P2RY6: variants seen among roughly 807,000 people sequenced by gnomAD.
P2RY6 encodes the protein pyrimidinergic receptor P2Y6, also known as P2Y purinoceptor 6.
A neutral mutation model predicts 16.3 loss-of-function variants in P2RY6; 19 were observed. That is an observed-to-expected ratio of 1.16 (90% CI 0.81 to 1.71). The LOEUF (loss-of-function observed/expected upper bound fraction) is 1.71. Among genes scored for constraint, P2RY6 ranks in the 40% most tolerant of loss-of-function variants. The pLI is 0.00. For synonymous variants in P2RY6, 184 were observed against 201.5 expected, an observed-to-expected ratio of 0.91 and a Z score of 0.74; for missense variants, 389 against 455.5, an observed-to-expected ratio of 0.85 and a Z score of 1.33.
intron 1 of P2RY6, among the ~76,000 whole-genome samples, chr11:73,272,779 G>A (rs1023046614): frequency 2.0e-5 from 3 of 152,216 alleles, no homozygotes; most frequent in Non-Finnish European, 2.9e-5. Context: ...CAAAGGTCTT[G>A]GTTGGAGTGC....
intron 2 of P2RY6, among the ~76,000 whole-genome samples, chr11:73,296,232 AAATATAT>A (rs1353631687): frequency 0.032 from 4,210 of 132,828 alleles, 205 homozygotes; most frequent in African/African-American, 0.12. Flanking sequence ...GGAAAAAAAA[AAATATAT>A]ATATATATAT....
intron 1 of P2RY6, among the ~76,000 whole-genome samples, chr11:73,295,078 C>T (rs80330821): frequency 0.011 from 1,709 of 152,290 alleles, 30 homozygotes; most frequent in African/African-American, 0.039. Context: ...ATTAGATTCA[C>T]TATCTCAAAG....
At chr11:73,290,529 C>T (rs1170842630) in intron 1 of P2RY6, among the ~76,000 whole-genome samples, 1 of 152,264 alleles carries the variant, frequency 6.6e-6, no homozygotes, top group Admixed American at 6.5e-5. Context: ...GGCCTCCCAT[C>T]TGAGGCCCCC....
chr11:73,293,369 G>T (rs747918693), intron 1 of P2RY6, among the ~76,000 whole-genome samples: 33 of 152,192 alleles, frequency 2.2e-4, no homozygotes, highest in Non-Finnish European at 4.1e-4. Flanking sequence ...GTCAGGAAAA[G>T]GGTTTGGGCT....
chr11:73,283,255 C>T (rs191710173), intron 1 of P2RY6, among the ~76,000 whole-genome samples: 140 of 152,240 alleles, frequency 9.2e-4, no homozygotes, highest in Non-Finnish European at 5.9e-5. Flanking sequence ...TACCCCAACC[C>T]TCACCTACTC....
intron 1 of P2RY6, chr11:73,292,732 G>A: frequency 2.2e-6 from 2 of 919,654 alleles, no homozygotes; most frequent in South Asian, 5.0e-5. Flanking sequence ...GGATGGCAGG[G>A]AGCCGGTGGC....
intron 1 of P2RY6, among the ~76,000 whole-genome samples, chr11:73,276,849 G>T (rs544269835): frequency 3.3e-5 from 5 of 152,294 alleles, no homozygotes; most frequent in African/African-American, 9.6e-5. Context: ...TTGAAAGGCT[G>T]AATTTTATGG....
At position 73,296,417 on chromosome 11, in the gene P2RY6, G is replaced by A. The variant is rs12271016; in HGVS notation, c.-34-68G>A. On this transcript the variant is annotated intron_variant, in intron 2 of 2. Transcript: ENST00000540124. Reference sequence around the variant, plus strand: ...TGTTCAGACAGGGAGATCAAGGCCCGAGGAGGGGCAGGGCCTGCTGGGTGG... The same window carrying A: ...TGTTCAGACAGGGAGATCAAGGCCCAAGGAGGGGCAGGGCCTGCTGGGTGG... The A allele has an allele frequency of 0.011, 16,352 of 1,423,878 alleles. 1,627 individuals carry two copies. The African/African-American group carries it at 0.21, about 18-fold the overall frequency. The allele number at this position is 1,423,878 out of a possible 1,614,324, so 88.2% of individuals were successfully genotyped here. A position where few individuals can be genotyped will look rare whatever the true frequency, so the allele number is the denominator to read the frequency against.
chr11:73,298,269 A>T lies in P2RY6; in HGVS notation c.*764A>T, dbSNP rs1292628591. On this transcript the variant is annotated 3_prime_UTR_variant, in exon 3 of 3. Transcript: ENST00000540124. Reference sequence around the variant, plus strand: ...TGCAACCCAGGTATGCTCCATGCATATCCAGCTGGGCCAGCCTCGTGCTGG... The same window carrying T: ...TGCAACCCAGGTATGCTCCATGCATTTCCAGCTGGGCCAGCCTCGTGCTGG... 1.2e-5 allele frequency: 2 copies of T among 167,186 alleles called. No individual in the cohort carries two copies. Among genetic ancestry groups the T allele is most frequent in the African/African-American group, 4.8e-5 (2 of 41,468 alleles). 10.4% of individuals were successfully genotyped at this position (167,186 alleles called of 1,614,324 possible). A position where few individuals can be genotyped will look rare whatever the true frequency, so the allele number is the denominator to read the frequency against.
upstream of P2RY6, chr11:73,271,932 C>T (rs527620470): frequency 2.6e-5 from 4 of 152,256 alleles, no homozygotes; most frequent in East Asian, 7.7e-4. Flanking sequence ...GCTGAGAAAA[C>T]CAGGTTAATG....
At chr11:73,272,876 G>A (rs72970005) in intron 1 of P2RY6, among the ~76,000 whole-genome samples, 5,985 of 152,244 alleles carry the variant, frequency 0.039, 267 homozygotes, top group Non-Finnish European at 0.048. Context: ...CCCTGCGTAT[G>A]TGAACACTGC....
At chr11:73,292,732 G>C (rs1291070117) in intron 1 of P2RY6, 1 of 919,536 alleles carries the variant, frequency 1.1e-6, no homozygotes, top group East Asian at 1.2e-4. Flanking sequence ...GGATGGCAGG[G>C]AGCCGGTGGC....
chr11:73,272,730 G>A (rs552312355), intron 1 of P2RY6, among the ~76,000 whole-genome samples: 7 of 152,256 alleles, frequency 4.6e-5, no homozygotes, highest in Non-Finnish European at 8.8e-5. Context: ...GCCGTGCCTT[G>A]CTGGAGAAGT....
At chr11:73,288,336 A>G (rs1351047923) in intron 1 of P2RY6, among the ~76,000 whole-genome samples, 2 of 152,130 alleles carry the variant, frequency 1.3e-5, no homozygotes, top group Non-Finnish European at 2.9e-5. Context: ...AGCAGCCCCA[A>G]CCCTCAAATT....
At position 73,288,967 on chromosome 11, in the gene P2RY6, C is replaced by A. The variant is rs1864078478; in HGVS notation, c.-120-6763C>A. Among the ~76,000 whole-genome samples the A allele has an allele frequency of 2.0e-5, 3 of 152,252 alleles. No individual in the cohort carries two copies. In the South Asian group the frequency reaches 6.2e-4, roughly 31 times the overall value. ...GGCAGGCAGGCCAAGGTTAGGAAGC[C>A]TCTTCCACATCCAGCCTGGTCTGAG... On this transcript the variant is annotated intron_variant, in intron 1 of 2. Coordinates refer to ENST00000540124, the MANE Select transcript of P2RY6 (RefSeq NM_001277204.2).
chr11:73,291,679 C>A (rs959259083), intron 1 of P2RY6, among the ~76,000 whole-genome samples: 5 of 152,192 alleles, frequency 3.3e-5, no homozygotes, highest in Non-Finnish European at 7.3e-5. Flanking sequence ...GAGATCGATG[C>A]CTTTAAAGGC....
At chr11:73,266,698 C>T (rs144930289) in intron 1 of P2RY6, among the ~76,000 whole-genome samples, 1 of 152,338 alleles carries the variant, frequency 6.6e-6, no homozygotes, top group African/African-American at 2.4e-5. Flanking sequence ...ACATAAAAGG[C>T]AGTGTTGGGA....
At chr11:73,286,318 G>A (rs541810089) in intron 1 of P2RY6, among the ~76,000 whole-genome samples, 2 of 152,280 alleles carry the variant, frequency 1.3e-5, no homozygotes, top group South Asian at 4.1e-4. Flanking sequence ...GAGGGGAGGA[G>A]TTCCCTGAGG....
chr11:73,285,321 G>T (rs552287637), intron 1 of P2RY6, among the ~76,000 whole-genome samples: 15 of 152,314 alleles, frequency 9.8e-5, no homozygotes, highest in Non-Finnish European at 1.9e-4. Context: ...TGATCCTCCC[G>T]CCTTGGCCTC....
Sources: allele counts gnomAD v4.1 joint callset (sites outside exome capture counted in the v4.1 genomes callset), GRCh38; gene constraint gnomAD v4.1.1; transcripts MANE v1.5; gene names NCBI Gene and HGNC (gene_info 2026-07-23, HGNC 2026-07-21).